PDE4D: variants seen among roughly 807,000 people sequenced by gnomAD.
PDE4D encodes phosphodiesterase 4D, also known as 3',5'-cyclic-AMP phosphodiesterase 4D.
In PDE4D, 24 loss-of-function variants were observed where a neutral mutation model predicts 87.4. The observed-to-expected ratio is 0.27, with a 90% confidence interval of 0.20 to 0.39. The LOEUF (loss-of-function observed/expected upper bound fraction) is 0.39. Among genes scored for constraint, PDE4D ranks in the 10% least tolerant of loss-of-function variants. PDE4D has a pLI of 1.00. For synonymous variants in PDE4D, 384 were observed against 383.2 expected, an observed-to-expected ratio of 1.00 and a Z score of -0.02; for missense variants, 714 against 1,041.0, an observed-to-expected ratio of 0.69 and a Z score of 4.32.
chr5:59,519,768 C>T (rs2153672532), intron 1 of PDE4D, among the ~76,000 whole-genome samples: 1 of 152,098 alleles, frequency 6.6e-6, no homozygotes, highest in East Asian at 1.9e-4. Flanking sequence ...ACTGGATGGG[C>T]AAAAGCACCA....
At chr5:59,570,549 T>C (rs766586974) in intron 1 of PDE4D, among the ~76,000 whole-genome samples, 29 of 152,150 alleles carry the variant, frequency 1.9e-4, no homozygotes, top group Non-Finnish European at 3.7e-4. Context: ...AAAATCATGT[T>C]ATTGATCCGT....
At chr5:60,415,428 C>A (rs966698696) in intron 1 of PDE4D, among the ~76,000 whole-genome samples, 1 of 152,256 alleles carries the variant, frequency 6.6e-6, no homozygotes, top group African/African-American at 2.4e-5. Context: ...CCGGAGCCGG[C>A]GCCCTCAGCT....
chr5:59,299,410 A>C (rs1769733615), intron 1 of PDE4D, among the ~76,000 whole-genome samples: 1 of 152,112 alleles, frequency 6.6e-6, no homozygotes, highest in Non-Finnish European at 1.5e-5. Flanking sequence ...GTATTTTTTC[A>C]GAGATCCTTC....
chr5:59,546,697 T>C (rs1246096041), intron 1 of PDE4D, among the ~76,000 whole-genome samples: 2 of 152,142 alleles, frequency 1.3e-5, no homozygotes, highest in African/African-American at 4.8e-5. Flanking sequence ...TTCAGAGAAC[T>C]GAAGGAAAAG....
intron 1 of PDE4D, among the ~76,000 whole-genome samples, chr5:60,317,616 T>C (rs1755758964): frequency 6.6e-6 from 1 of 152,254 alleles, no homozygotes; most frequent in Non-Finnish European, 1.5e-5. Flanking sequence ...CTTTCTCTTG[T>C]GGGCATTTAG....
chr5:60,226,833 TCACA>T (rs5868227), intron 1 of PDE4D, among the ~76,000 whole-genome samples: 10 of 148,464 alleles, frequency 6.7e-5, no homozygotes, highest in Non-Finnish European at 1.2e-4. Flanking sequence ...TTTCTACACA[TCACA>T]CACACACACA....
At chr5:59,926,798 A>G (rs549738255) in intron 3 of PDE4D, among the ~76,000 whole-genome samples, 1 of 152,334 alleles carries the variant, frequency 6.6e-6, no homozygotes, top group East Asian at 1.9e-4. Context: ...ATTCCTAGAC[A>G]CATACAACCT....
chr5:60,185,591 CT>C lies in PDE4D; in HGVS notation c.7del (p.Arg3GlufsTer59). 1 of 1,530,500 alleles carries C rather than the reference CT, an allele frequency of 6.5e-7. No individual in the cohort carries two copies. Among genetic ancestry groups the C allele is most frequent in the Non-Finnish European group, 8.8e-7 (1 of 1,141,302 alleles). 94.8% of individuals were successfully genotyped at this position (1,530,500 alleles called of 1,614,324 possible). A position where few individuals can be genotyped will look rare whatever the true frequency, so the allele number is the denominator to read the frequency against. ...CCGAGAAAGCAAATCACAGGTATTT[CT>C]TTTCATCGTGGTGTTTTAAGTAATT... On this transcript the variant is annotated frameshift_variant, in exon 2 of 17. Coordinates refer to the PDE4D transcript ENST00000502484. LOFTEE classifies it high-confidence loss of function.
chr5:59,340,023 C>T (rs71626150), intron 1 of PDE4D, among the ~76,000 whole-genome samples: 2,928 of 151,516 alleles, frequency 0.019, 43 homozygotes, highest in Non-Finnish European at 0.03. Flanking sequence ...TCTTCTCACC[C>T]TCTCTGGAAT....
intron 1 of PDE4D, among the ~76,000 whole-genome samples, chr5:59,643,458 G>C (rs1324784508): frequency 6.6e-6 from 1 of 152,144 alleles, no homozygotes; most frequent in Admixed American, 6.5e-5. Flanking sequence ...AAACTTTTGG[G>C]GGTGATATAT....
intron 1 of PDE4D, among the ~76,000 whole-genome samples, chr5:59,680,007 C>T (rs573917997): frequency 5.3e-5 from 8 of 152,140 alleles, no homozygotes; most frequent in South Asian, 2.1e-4. Flanking sequence ...ACTCCAAGTA[C>T]GAAATACACT....
chr5:60,477,187 C>T (rs1020328259), intron 1 of PDE4D, among the ~76,000 whole-genome samples: 1 of 152,136 alleles, frequency 6.6e-6, no homozygotes, highest in African/African-American at 2.4e-5. Flanking sequence ...CCCACGGACT[C>T]ACCCAGCAAA....
At chr5:60,367,382 T>A (rs1190726372) in intron 1 of PDE4D, among the ~76,000 whole-genome samples, 1 of 148,674 alleles carries the variant, frequency 6.7e-6, no homozygotes, top group Non-Finnish European at 1.5e-5. Context: ...CAGGAGGAGG[T>A]GGAGGTTGCA....
chr5:59,833,977 A>T (rs938517631), intron 1 of PDE4D, among the ~76,000 whole-genome samples: 2 of 152,018 alleles, frequency 1.3e-5, no homozygotes, highest in Non-Finnish European at 2.9e-5. Context: ...GAAACCAGCA[A>T]ATGTTTATAA....
chr5:60,053,775 C>T (rs1770472799), intron 2 of PDE4D, among the ~76,000 whole-genome samples: 1 of 152,118 alleles, frequency 6.6e-6, no homozygotes, highest in Non-Finnish European at 1.5e-5. Flanking sequence ...AACATTTTTG[C>T]CATCTATCCA....
At chr5:60,282,320 T>C (rs1429848029) in intron 1 of PDE4D, among the ~76,000 whole-genome samples, 2 of 151,340 alleles carry the variant, frequency 1.3e-5, no homozygotes, top group East Asian at 3.9e-4. Context: ...TGGAATATGC[T>C]ACATTTGATC....
rs1749983530 is a variant in PDE4D, at chr5:60,499,787, A to G, written n.70+22264T>C. ...ACAGGGAGAGTTGCACTGCTGGCCC[A>G]GACCATTTATAAATACAAGAATTTG... On this transcript the variant is annotated intron_variant and non_coding_transcript_variant, in intron 1 of 2. Transcript: ENST00000506510. Among the ~76,000 whole-genome samples, 3 of 152,316 alleles carry G rather than the reference A, an allele frequency of 2.0e-5. No homozygotes were observed. The South Asian group carries it at 6.2e-4, about 32-fold the overall frequency.
intron 1 of PDE4D, among the ~76,000 whole-genome samples, chr5:59,479,981 ATT>A (rs34768031): frequency 4.0e-5 from 6 of 150,820 alleles, no homozygotes; most frequent in Non-Finnish European, 7.4e-5. Context: ...TATGCCAAGC[ATT>A]TTTTTTTGGC....
chr5:59,209,415 A>G (rs1447152250), intron 2 of PDE4D, among the ~76,000 whole-genome samples: 1 of 152,150 alleles, frequency 6.6e-6, no homozygotes, highest in Non-Finnish European at 1.5e-5. Flanking sequence ...CAAACTCCTC[A>G]GCTCAAGCCA....
Sources: gnomAD v4.1 joint callset for allele counts (sites outside exome capture counted in the v4.1 genomes callset) on GRCh38, gnomAD v4.1.1 for gene constraint, MANE v1.5 for transcripts, NCBI Gene and HGNC (gene_info 2026-07-23, HGNC 2026-07-21) for gene names.